ADAMTS9: variants seen among roughly 807,000 people sequenced by gnomAD.
The protein encoded by ADAMTS9 is A disintegrin and metalloproteinase with thrombospondin motifs 9.
In ADAMTS9, 107 loss-of-function variants were observed where a neutral mutation model predicts 257.1. That is an observed-to-expected ratio of 0.42 (90% CI 0.36 to 0.49). The LOEUF is 0.49. Ranked by LOEUF, ADAMTS9 falls within the 20% of genes least tolerant of loss-of-function variation. The pLI, the probability that ADAMTS9 is intolerant of heterozygous loss-of-function variation, is 0.03. For missense variants in ADAMTS9, 2,353 were observed against 2,469.1 expected, an observed-to-expected ratio of 0.95 and a Z score of 1.00; for synonymous variants, 982 against 880.9, an observed-to-expected ratio of 1.11 and a Z score of -2.03.
chr3:64,619,429 C>T (rs1179468734), intron 19 of ADAMTS9, among the ~76,000 whole-genome samples: 1 of 152,148 alleles, frequency 6.6e-6, no homozygotes, highest in Non-Finnish European at 1.5e-5. Flanking sequence ...AGGATTTAAG[C>T]ACAGGATCTA....
At chr3:64,671,157 A>C (rs1391486648) in intron 3 of ADAMTS9, among the ~76,000 whole-genome samples, 1 of 152,224 alleles carries the variant, frequency 6.6e-6, no homozygotes, top group Non-Finnish European at 1.5e-5. Flanking sequence ...GGTTAAAGAA[A>C]TGGTGATATA....
intron 32 of ADAMTS9, 100 bp from the exon 33 acceptor site, chr3:64,542,070 G>A: frequency 6.7e-7 from 1 of 1,495,196 alleles, no homozygotes; most frequent in South Asian, 1.3e-5. Context: ...CATGTACAGG[G>A]TGTCACTTCA....
intron 22 of ADAMTS9, among the ~76,000 whole-genome samples, chr3:64,607,641 A>C (rs142439403): frequency 3.3e-5 from 5 of 152,340 alleles, no homozygotes; most frequent in Non-Finnish European, 7.4e-5. Context: ...AAGTAGAGGA[A>C]GTGATGCCAC....
chr3:64,586,243 G>A (rs1469346054), intron 28 of ADAMTS9, among the ~76,000 whole-genome samples: 1 of 151,820 alleles, frequency 6.6e-6, no homozygotes, highest in East Asian at 1.9e-4. Flanking sequence ...GCATAATTCT[G>A]AGCACAAAGT....
At chr3:64,535,161 T>C (rs144335057) in intron 37 of ADAMTS9, among the ~76,000 whole-genome samples, 2,308 of 152,258 alleles carry the variant, frequency 0.015, 65 homozygotes, top group African/African-American at 0.049. Context: ...GTGGATCACC[T>C]GAGGCTGAGA....
At chr3:64,535,554 T>TTTCTTTTC (rs1491242951) in intron 37 of ADAMTS9, among the ~76,000 whole-genome samples, 4 of 3,098 alleles carry the variant, frequency 1.3e-3, no homozygotes, top group African/African-American at 1.7e-3. Flanking sequence ...TTTCTTTTCT[T>TTTCTTTTC]TTTTTTTTTT....
intron 26 of ADAMTS9, among the ~76,000 whole-genome samples, chr3:64,600,825 G>A (rs1403084949): frequency 1.3e-5 from 2 of 152,166 alleles, no homozygotes; most frequent in Non-Finnish European, 2.9e-5. Flanking sequence ...CAGAAAGTAC[G>A]TCTAATTTAC....
intron 30 of ADAMTS9, among the ~76,000 whole-genome samples, chr3:64,551,747 T>C (rs2083274528): frequency 6.6e-6 from 1 of 152,198 alleles, no homozygotes; most frequent in Non-Finnish European, 1.5e-5. Flanking sequence ...CCTTCCCAGA[T>C]AGCCATCTCA....
At position 64,516,261 on chromosome 3, in the gene ADAMTS9, C is replaced by G. The variant is rs1016304736; in HGVS notation, c.*866G>C. On this transcript the variant is annotated 3_prime_UTR_variant, in exon 40 of 40. Transcript: ENST00000498707. ...AAAATGGTGAGAGGATCTCACTTTC[C>G]CAATATCACTCTGTAATGAAGCTGC... The G allele has an allele frequency of 2.6e-5, 4 of 152,448 alleles. No individual in the cohort carries two copies. Among genetic ancestry groups the G allele is most frequent in the African/African-American group, 9.7e-5 (4 of 41,384 alleles). The allele number at this position is 152,448 out of a possible 1,614,324, so 9.4% of individuals were successfully genotyped here. A position where few individuals can be genotyped will look rare whatever the true frequency, so the allele number is the denominator to read the frequency against.
chr3:64,561,804 G>T (rs2083430798), intron 29 of ADAMTS9, 53 bp from the exon 30 acceptor site: 2 of 926,260 alleles, frequency 2.2e-6, no homozygotes, highest in East Asian at 3.2e-5. Context: ...TTTTTTGGGG[G>T]GGCGGGGGGT....
At chr3:64,530,817 T>G (rs1387783784) in intron 38 of ADAMTS9, among the ~76,000 whole-genome samples, 1 of 152,196 alleles carries the variant, frequency 6.6e-6, no homozygotes, top group African/African-American at 2.4e-5. Flanking sequence ...TCACCCAGGC[T>G]GCAGTGCAGT....
At chr3:64,636,653 A>C (rs9842845) in intron 12 of ADAMTS9, among the ~76,000 whole-genome samples, 80,682 of 152,032 alleles carry the variant, frequency 0.53, 22,640 homozygotes, top group African/African-American at 0.72. Context: ...ATAAGTTTTA[A>C]ATTTTAAAGT....
Position 64,641,856 on chromosome 3 carries a change from G to A in ADAMTS9, c.1848C>T (p.Asn616=). Residue 616 remains asparagine (N), a synonymous_variant, in exon 12 of 40, where the codon AAC becomes AAT. Transcript: ENST00000498707. ...TACATTCTAGGACTTACTCTGGTCT[G>A]TTGCACTCTCGAATGGCTGTTTTGA... ...GGIKTAIREC[N]RPEPKNGGKY... 1 of 1,614,058 alleles carries A rather than the reference G, an allele frequency of 6.2e-7. No homozygotes were observed.
chr3:64,529,047 C>T (rs939452186), intron 38 of ADAMTS9, among the ~76,000 whole-genome samples: 1 of 152,200 alleles, frequency 6.6e-6, no homozygotes, highest in Non-Finnish European at 1.5e-5. Context: ...AGGCTGATCC[C>T]ACCACCTGCT....
intron 28 of ADAMTS9, among the ~76,000 whole-genome samples, chr3:64,591,750 G>A (rs2084262394): frequency 6.6e-6 from 1 of 152,148 alleles, no homozygotes; most frequent in African/African-American, 2.4e-5. Context: ...CTTGGAGAAG[G>A]CTAATTCACA....
chr3:64,599,816 C>G (rs2084426306), intron 26 of ADAMTS9, among the ~76,000 whole-genome samples: 1 of 152,182 alleles, frequency 6.6e-6, no homozygotes, highest in African/African-American at 2.4e-5. Flanking sequence ...GGAACAGAGC[C>G]ATGTGCACTT....
chr3:64,552,019 A>C (rs1233786759), intron 30 of ADAMTS9, among the ~76,000 whole-genome samples: 1 of 152,248 alleles, frequency 6.6e-6, no homozygotes, highest in African/African-American at 2.4e-5. Flanking sequence ...GAGTGCACAC[A>C]AATGGCACAT....
chr3:64,687,439 A>G lies in ADAMTS9; in HGVS notation c.115+104T>C, dbSNP rs1007133842. ...TGCAAAGCGGGAGATAATTCTTTCTAGGAAAAGGAGAGAAGCCTCCGCTGC... is the reference window on the plus strand; with the variant it reads ...TGCAAAGCGGGAGATAATTCTTTCTGGGAAAAGGAGAGAAGCCTCCGCTGC... On this transcript the variant is annotated intron_variant, in intron 1 of 39. Transcript: ENST00000498707. This position sits in a 1 kb window ranked among gnomAD's most constrained non-coding sequence, Gnocchi z 4.4. 1.1e-6 allele frequency: 1 copy of G among 927,958 alleles called. No individual in the cohort carries two copies. Among genetic ancestry groups the G allele is most frequent in the East Asian group, 3.0e-5 (1 of 33,568 alleles). 57.5% of individuals were successfully genotyped at this position (927,958 alleles called of 1,614,324 possible).
chr3:64,536,115 C>T, intron 37 of ADAMTS9, among the ~76,000 whole-genome samples: 1 of 152,196 alleles, frequency 6.6e-6, no homozygotes, highest in Non-Finnish European at 1.5e-5. Context: ...AGTGTCTGAA[C>T]ATGCTCAATA....
Sources: gnomAD v4.1 joint callset for allele counts (sites outside exome capture counted in the v4.1 genomes callset) on GRCh38, gnomAD v4.1.1 for gene constraint, Gnocchi (gnomAD v3.1) non-coding constraint, MANE v1.5 for transcripts, NCBI Gene and HGNC (gene_info 2026-07-23, HGNC 2026-07-21) for gene names.